The following ARMH3 variants were observed in gnomAD, a reference collection of about 807,000 sequenced individuals.
The protein encoded by ARMH3 is armadillo like helical domain containing 3, also known as armadillo-like helical domain-containing protein 3.
ARMH3 carries 60 observed loss-of-function variants against 99.1 expected under a neutral mutation model. The observed-to-expected ratio is 0.61, with a 90% CI of 0.49 to 0.75. ARMH3 has a LOEUF of 0.75. Among genes scored for constraint, ARMH3 ranks in the 30% least tolerant of loss-of-function variants. The pLI is 0.00. For synonymous variants in ARMH3, 285 were observed against 292.8 expected, an observed-to-expected ratio of 0.97 and a Z score of 0.27; for missense variants, 679 against 843.1, an observed-to-expected ratio of 0.81 and a Z score of 2.41.
intron 23 of ARMH3, among the ~76,000 whole-genome samples, chr10:101,935,585 C>T (rs1008227236): frequency 1.3e-5 from 2 of 152,208 alleles, no homozygotes; most frequent in Non-Finnish European, 2.9e-5. Flanking sequence ...AGATGCACTG[C>T]ATTCCAGATC....
Position 101,990,574 on chromosome 10 carries a change from C to T in ARMH3, c.1383G>A (p.Lys461=). ...ACATATAGAGATCCATAGGAAACTC[C>T]TTCATCATGTGTGTTACAATAAACT... The part of the protein sequence containing the change: ...MVEFIVTHMM[K]EFPMDLYIRC... The change falls in exon 19 of 26, where the codon AAG becomes AAA. Residue 461 remains lysine (K), a synonymous_variant. Transcript: ENST00000370033. 4.4e-6 allele frequency: 7 copies of T among 1,602,714 alleles called. No individual in the cohort carries two copies. The highest frequency in any genetic ancestry group is 6.0e-6 in the Non-Finnish European group (7 of 1,169,854).
intron 1 of ARMH3, among the ~76,000 whole-genome samples, chr10:102,055,318 T>C (rs2067816886): frequency 6.6e-6 from 1 of 151,370 alleles, no homozygotes; most frequent in Non-Finnish European, 1.5e-5. Flanking sequence ...AATAAATAAA[T>C]AAATAAATAA....
At chr10:101,996,965 A>G (rs1325289179) in intron 15 of ARMH3, among the ~76,000 whole-genome samples, 1 of 152,154 alleles carries the variant, frequency 6.6e-6, no homozygotes. Flanking sequence ...AAAGCAGGGG[A>G]AAACCCAAGG....
intron 24 of ARMH3, among the ~76,000 whole-genome samples, chr10:101,863,528 G>A (rs1347585508): frequency 6.6e-6 from 1 of 152,044 alleles, no homozygotes; most frequent in Non-Finnish European, 1.5e-5. Context: ...GAACTGTGTG[G>A]GTCCACTTAT....
intron 24 of ARMH3, among the ~76,000 whole-genome samples, chr10:101,879,927 C>T (rs1309701889): frequency 6.6e-6 from 1 of 152,114 alleles, no homozygotes; most frequent in African/African-American, 2.4e-5. Context: ...CTTGTAAAAC[C>T]CCACCTCATC....
chr10:101,976,508 A>C (rs1846020864), intron 19 of ARMH3, among the ~76,000 whole-genome samples: 1 of 151,722 alleles, frequency 6.6e-6, no homozygotes, highest in South Asian at 2.1e-4. Flanking sequence ...TCAATAATCA[A>C]TTAGGCGCCA....
rs754504523 is a variant in ARMH3 at position 102,006,682 on chromosome 10, CTGAG to C, written c.955-53_955-50del. 8 of 1,566,878 alleles carry C rather than the reference CTGAG, an allele frequency of 5.1e-6. No homozygotes were observed. The South Asian group carries it at 6.7e-5, about 13-fold the overall frequency. ...AAGAAAACAGAAAATCCAGTTCTCC[CTGAG>C]TATCAAGTGCCTAATACCAATAAGG... On this transcript the variant is annotated intron_variant, in intron 13 of 25. Transcript: ENST00000370033.
chr10:101,849,151 T>C (rs2066527892), intron 25 of ARMH3, among the ~76,000 whole-genome samples: 1 of 152,126 alleles, frequency 6.6e-6, no homozygotes, highest in African/African-American at 2.4e-5. Flanking sequence ...AGCCAGGATG[T>C]TTGTGTAAAC....
intron 20 of ARMH3, among the ~76,000 whole-genome samples, chr10:101,958,086 G>T (rs1404798394): frequency 1.3e-5 from 2 of 152,228 alleles, no homozygotes; most frequent in African/African-American, 2.4e-5. Flanking sequence ...AGGTGAAAAT[G>T]AGGGTCCCCC....
rs146643390 is a variant in ARMH3 at position 101,985,313 on chromosome 10, T to TAC, written c.1406+5236_1406+5237dup. ...ATACACACGTATATATACATGTATA[T>TAC]ACATATATATATACAGATCGCATGG... On this transcript the variant is annotated intron_variant, in intron 19 of 25. Coordinates refer to ENST00000370033, the MANE Select transcript of ARMH3 (RefSeq NM_024541.3). 2.0e-3 allele frequency among the ~76,000 whole-genome samples: 187 copies of TAC among 95,228 alleles called. 1 individual carries two copies. The highest frequency in any genetic ancestry group is 5.6e-3 in the African/African-American group (162 of 29,044). The allele number at this position is 95,228 out of a possible 152,430, so 62.5% of individuals were successfully genotyped here.
chr10:101,956,541 T>C (rs1845045898), intron 22 of ARMH3, 56 bp downstream of exon 22: 4 of 1,587,852 alleles, frequency 2.5e-6, no homozygotes, highest in Non-Finnish European at 2.6e-6. Context: ...TTTCCTCTTA[T>C]ATGCCAAAAG....
In ARMH3 at chr10:101,956,589, C is replaced by G; in HGVS notation, c.1705+8G>C. ...TGGAGAGAGGAGTAAAAAGAAAAGG[C>G]AGCTTACCCATGGAGTAGAGGTTGT... is the stretch of plus-strand genomic sequence containing the variant. On this transcript the variant is annotated splice_region_variant and intron_variant, in intron 22 of 25. Coordinates refer to ENST00000370033, the MANE Select transcript of ARMH3 (RefSeq NM_024541.3). The G allele has an allele frequency of 6.2e-7, 1 of 1,611,364 alleles. No homozygotes were observed. The highest frequency in any genetic ancestry group is 1.1e-5 in the South Asian group (1 of 90,834).
At chr10:102,036,682 CG>C (rs2067283853) in intron 2 of ARMH3, among the ~76,000 whole-genome samples, 1 of 151,854 alleles carries the variant, frequency 6.6e-6, no homozygotes, top group Non-Finnish European at 1.5e-5. Context: ...GCAGCAGGCT[CG>C]TTAAGAGTCA....
chr10:101,939,711 CTT>C, intron 23 of ARMH3, 150 bp downstream of exon 23: 1 of 592,352 alleles, frequency 1.7e-6, no homozygotes, highest in Non-Finnish European at 2.9e-6. Context: ...TGTACTCCTG[CTT>C]TTCTTGATCA....
intron 12 of ARMH3, 66 bp downstream of exon 12, chr10:102,009,911 T>A: frequency 6.9e-7 from 1 of 1,442,462 alleles, no homozygotes. Context: ...CACTGCACAC[T>A]CTCATATCCA....
At chr10:101,981,919 T>C (rs1161870439) in intron 19 of ARMH3, among the ~76,000 whole-genome samples, 1 of 149,142 alleles carries the variant, frequency 6.7e-6, no homozygotes, top group Admixed American at 6.8e-5. Flanking sequence ...CTCGGGAGGC[T>C]GAGGCAGGAG....
intron 2 of ARMH3, among the ~76,000 whole-genome samples, chr10:102,035,842 G>C: frequency 6.6e-6 from 1 of 152,338 alleles, no homozygotes; most frequent in East Asian, 1.9e-4. Flanking sequence ...TGGGAAGTGA[G>C]GAGCGTCTCC....
intron 16 of ARMH3, among the ~76,000 whole-genome samples, chr10:101,994,944 G>A (rs569305597): frequency 4.2e-4 from 64 of 152,310 alleles, no homozygotes; most frequent in African/African-American, 1.4e-3. Flanking sequence ...GCCGAGGCAC[G>A]AGGATCGCTT....
intron 20 of ARMH3, among the ~76,000 whole-genome samples, chr10:101,966,194 C>A (rs1448925981): frequency 6.7e-6 from 1 of 150,042 alleles, no homozygotes; most frequent in Non-Finnish European, 1.5e-5. Context: ...CAACCTCCAC[C>A]TCCCGGGTTC....
Sources: allele counts gnomAD v4.1 joint callset (sites outside exome capture counted in the v4.1 genomes callset), GRCh38; gene constraint gnomAD v4.1.1; transcripts MANE v1.5; gene names NCBI Gene and HGNC (gene_info 2026-07-23, HGNC 2026-07-21).